Variants in MYBPH observed in about 807,000 individuals in gnomAD.
MYBPH encodes the protein myosin binding protein H.
Under a neutral mutation model 53.6 loss-of-function variants are expected in MYBPH, and 49 were observed. The ratio of observed to expected loss-of-function variants is 0.91; its 90% confidence interval spans 0.73 to 1.16. The LOEUF is 1.16. Ranked by LOEUF, MYBPH falls within the 50% of genes most tolerant of loss-of-function variation. The pLI is 0.00. For synonymous variants in MYBPH, 239 were observed against 249.6 expected (o/e 0.96, Z 0.40); for missense variants, 558 against 624.1 (o/e 0.89, Z 1.13).
chr1:203,173,288 TA>T (rs1655736944), intron 3 of MYBPH, among the ~76,000 whole-genome samples: 1 of 152,162 alleles, frequency 6.6e-6, no homozygotes, highest in African/African-American at 2.4e-5. Context: ...CCTCCAGGAC[TA>T]GGGTCGACAC....
chr1:203,175,519 C>A (rs752825048), intron 1 of MYBPH, 32 bp downstream of exon 1: 1 of 1,612,584 alleles, frequency 6.2e-7, no homozygotes, highest in African/African-American at 1.3e-5. Flanking sequence ...ACATGCCTGC[C>A]TCCCTCCTCC....
At position 203,174,597 on chromosome 1, in the gene MYBPH, G is replaced by C. The variant is rs2642531; in HGVS notation, c.341C>G (p.Ala114Gly). 0.15 allele frequency: 241,688 copies of C among 1,594,978 alleles called. 24,005 individuals are homozygous for C. Among genetic ancestry groups the C allele is most frequent in the African/African-American group, 0.49 (36,641 of 74,570 alleles). Residue 114 changes from alanine (A) to glycine (G), a missense_variant and splice_region_variant, in exon 3 of 11, where the codon GCC becomes GGC. By Grantham distance (60) the Ala-to-Gly change is moderately conservative (BLOSUM62 0). Coordinates refer to ENST00000255416, the MANE Select transcript of MYBPH (RefSeq NM_004997.3). Reference protein sequence around the residue: ...GYVLELCREGASEWVPVSARP... With the variant: ...GYVLELCREGGSEWVPVSARP... ...GGCACTCACAGGCACCCACTCCGAG[G>C]CTGAGGGGATGGAGAGAGTGTGAGG...
intron 10 of MYBPH, 131 bp from the exon 11 acceptor site, chr1:203,168,222 A>G: frequency 3.8e-6 from 1 of 260,408 alleles, no homozygotes; most frequent in Non-Finnish European, 7.6e-6. Flanking sequence ...TGCAATGCCC[A>G]GGTCTGAGCT....
In MYBPH at chr1:203,171,768, G is replaced by C. The variant is rs571803989; in HGVS notation, c.597+184C>G. On this transcript the variant is annotated intron_variant, in intron 4 of 10. Transcript: ENST00000255416. This position sits in a 1 kb window ranked among gnomAD's most constrained non-coding sequence, Gnocchi z 4.2. ...CTTCCAGGTGTCCATCCCGCTCTGG[G>C]GGCCCACCTGCCCATCCACAGGCTG... Among the ~76,000 whole-genome samples, 2 of 152,334 alleles carry C rather than the reference G, an allele frequency of 1.3e-5. No individual in the cohort carries two copies. Among genetic ancestry groups the C allele is most frequent in the African/African-American group, 4.8e-5 (2 of 41,574 alleles).
intron 3 of MYBPH, 69 bp from the exon 4 acceptor site, chr1:203,172,109 C>T (rs906841157): frequency 3.1e-6 from 3 of 978,860 alleles, no homozygotes; most frequent in Middle Eastern, 2.5e-4. Context: ...TGAGATGGGG[C>T]AGGGGACAGC....
chr1:203,174,358 C>G (rs1406916113), intron 3 of MYBPH, 72 bp downstream of exon 3: 1 of 1,495,236 alleles, frequency 6.7e-7, no homozygotes, highest in East Asian at 2.3e-5. Flanking sequence ...CCTCTACCTG[C>G]TGGCCTCAGT....
At chr1:203,177,362 G>T (rs1655832433), upstream of MYBPH, among the ~76,000 whole-genome samples, 1 of 152,222 alleles carries the variant, frequency 6.6e-6, no homozygotes, top group Non-Finnish European at 1.5e-5. Context: ...ATACATTTAT[G>T]CACTCTTTAG....
intron 3 of MYBPH, among the ~76,000 whole-genome samples, chr1:203,172,463 G>C (rs1220465712): frequency 6.6e-6 from 1 of 152,156 alleles, no homozygotes; most frequent in African/African-American, 2.4e-5. Flanking sequence ...CCGTCTTCCT[G>C]CTCTAATATC....
chr1:203,172,652 G>A (rs779212760), intron 3 of MYBPH, among the ~76,000 whole-genome samples: 1 of 152,164 alleles, frequency 6.6e-6, no homozygotes, highest in African/African-American at 2.4e-5. Context: ...TCTCAGAGCC[G>A]GGAAGTCCTT....
upstream of MYBPH, among the ~76,000 whole-genome samples, chr1:203,178,652 C>A (rs779507099): frequency 6.6e-6 from 1 of 152,212 alleles, no homozygotes; most frequent in Non-Finnish European, 1.5e-5. Context: ...AAACAGAAAA[C>A]GTTTCTTTCA....
chr1:203,173,653 C>T (rs1353653352), intron 3 of MYBPH, among the ~76,000 whole-genome samples: 1 of 152,234 alleles, frequency 6.6e-6, no homozygotes, highest in Non-Finnish European at 1.5e-5. Context: ...TTGTCTAGAG[C>T]TACCAGAAAT....
At position 203,171,359 on chromosome 1, in the gene MYBPH, A is replaced by G; in HGVS notation, c.793+24T>C. The G allele has an allele frequency of 6.2e-7, 1 of 1,602,230 alleles. No individual in the cohort carries two copies. The highest frequency in any genetic ancestry group is 1.3e-5 in the African/African-American group (1 of 74,932). ...GGGGGCTCCAGGTCCCCCATGAGAC[A>G]GCACTGTTCCCCTGGCTCCATACCA... On this transcript the variant is annotated intron_variant, in intron 5 of 10. Transcript: ENST00000255416. This position sits in a 1 kb window ranked among gnomAD's most constrained non-coding sequence, Gnocchi z 4.2.
chr1:203,170,906 AAG>A (rs1413599651), intron 6 of MYBPH, among the ~76,000 whole-genome samples, 153 bp downstream of exon 6: 4 of 152,192 alleles, frequency 2.6e-5, no homozygotes, highest in African/African-American at 9.7e-5. Context: ...TCCAGAGAGG[AAG>A]AGTCTTGCTA....
chr1:203,177,857 C>G (rs557760768), upstream of MYBPH, among the ~76,000 whole-genome samples: 134 of 152,330 alleles, frequency 8.8e-4, no homozygotes, highest in Non-Finnish European at 1.5e-3. Flanking sequence ...AGGTGAAATG[C>G]CGGGTACCCC....
chr1:203,173,849 G>A (rs1655747654), intron 3 of MYBPH, among the ~76,000 whole-genome samples: 1 of 152,248 alleles, frequency 6.6e-6, no homozygotes, highest in Admixed American at 6.5e-5. Context: ...GGGGAGGATT[G>A]AGGCTAATGC....
rs776345367 is a variant in MYBPH at position 203,174,588 on chromosome 1, C to T, written c.350G>A (p.Trp117Ter). ...LELCREGASE[W>*]VPVSARPMMV... Reference sequence around the variant, plus strand: ...CATGGGCCGGGCACTCACAGGCACCCACTCCGAGGCTGAGGGGATGGAGAG... The same window carrying T: ...CATGGGCCGGGCACTCACAGGCACCTACTCCGAGGCTGAGGGGATGGAGAG... Residue 117 changes from tryptophan to a stop codon, truncating the protein, a stop_gained, in exon 3 of 11, where the codon TGG becomes TAG. Transcript: ENST00000255416. LOFTEE classifies it high-confidence loss of function. 1.2e-6 allele frequency: 2 copies of T among 1,600,764 alleles called. No individual in the cohort carries two copies. The highest frequency in any genetic ancestry group is 2.2e-5 in the South Asian group (2 of 90,514).
At chr1:203,175,261 A>C (rs1020784439) in intron 2 of MYBPH, 66 bp downstream of exon 2, 1 of 1,496,960 alleles carries the variant, frequency 6.7e-7, no homozygotes, top group Non-Finnish European at 8.9e-7. Flanking sequence ...GGGCCTGTGC[A>C]CTTGTCCCTG....
In MYBPH at chr1:203,170,307, G is replaced by C. The variant is rs1655670641; in HGVS notation, c.1077C>G (p.Ala359=). 6.2e-7 allele frequency: 1 copy of C among 1,614,040 alleles called. No individual in the cohort carries two copies. Among genetic ancestry groups the C allele is most frequent in the African/African-American group, 1.3e-5 (1 of 74,902 alleles). Residue 359 remains alanine (A), a synonymous_variant, in exon 7 of 11, where the codon GCC becomes GCG. Coordinates refer to ENST00000255416, the MANE Select transcript of MYBPH (RefSeq NM_004997.3). ...CAAACCCACCTGCCTTCTGGATGTG[G>C]GCGAGCTCCTTGGTGACGGTGGCCG... ...STSATVTKEL[A]HIQKADIAAK...
chr1:203,170,473 C>G lies in MYBPH; in HGVS notation c.934-23G>C, dbSNP rs199616179. On this transcript the variant is annotated intron_variant, in intron 6 of 10. Transcript: ENST00000255416. ...TTGCTGCAGGGCCCCGGGTGTCACCCTCATTTCTCACCCCTGTCCTCACCC... is the reference window on the plus strand; with the variant it reads ...TTGCTGCAGGGCCCCGGGTGTCACCGTCATTTCTCACCCCTGTCCTCACCC... 29 of 1,611,168 alleles carry G rather than the reference C, an allele frequency of 1.8e-5. No individual in the cohort carries two copies. In the East Asian group the frequency reaches 6.0e-4, roughly 33 times the overall value.
Sources: allele counts gnomAD v4.1 joint callset (sites outside exome capture counted in the v4.1 genomes callset), GRCh38; gene constraint gnomAD v4.1.1; non-coding constraint Gnocchi (gnomAD v3.1); transcripts MANE v1.5; gene names NCBI Gene and HGNC (gene_info 2026-07-23, HGNC 2026-07-21).